The following TMEM45A variants were observed in gnomAD, a reference collection of about 807,000 sequenced individuals.
The protein encoded by TMEM45A is DNA polymerase-transactivated protein 4.
Under a neutral mutation model 32.0 loss-of-function variants are expected in TMEM45A, and 25 were observed. That is an observed-to-expected ratio of 0.78 (90% CI 0.57 to 1.09). The LOEUF (loss-of-function observed/expected upper bound fraction) is 1.09. Among genes scored for constraint, TMEM45A ranks in the 50% least tolerant of loss-of-function variants. The pLI, the probability that TMEM45A is intolerant of heterozygous loss-of-function variation, is 0.00. For synonymous variants in TMEM45A, 122 were observed against 114.8 expected (o/e 1.06, Z -0.40); for missense variants, 302 against 325.0 (o/e 0.93, Z 0.54).
At chr3:100,519,326 A>C in intron 1 of TMEM45A, 1 of 565,866 alleles carries the variant, frequency 1.8e-6, no homozygotes, top group Non-Finnish European at 3.2e-6. Context: ...GGTAAGTTTT[A>C]ATACTGTGTT....
chr3:100,505,963 A>G (rs1399344521), intron 1 of TMEM45A, among the ~76,000 whole-genome samples: 1 of 152,178 alleles, frequency 6.6e-6, no homozygotes, highest in African/African-American at 2.4e-5. Flanking sequence ...GGAACAGAGT[A>G]CCAGGAATGA....
chr3:100,531,250 A>G (rs1159945481), intron 1 of TMEM45A, among the ~76,000 whole-genome samples: 1 of 151,602 alleles, frequency 6.6e-6, no homozygotes, highest in Non-Finnish European at 1.5e-5. Context: ...GGACTGATAA[A>G]CTCCTGGAAA....
intron 1 of TMEM45A, among the ~76,000 whole-genome samples, chr3:100,539,432 G>GATATGTATATGT (rs61585906): frequency 0.026 from 2,180 of 82,822 alleles, 53 homozygotes; most frequent in Middle Eastern, 0.073. Flanking sequence ...AACCCAATAG[G>GATATGTATATGT]ATATGTATAT....
At chr3:100,537,612 A>T (rs1215388937) in intron 1 of TMEM45A, among the ~76,000 whole-genome samples, 1 of 152,220 alleles carries the variant, frequency 6.6e-6, no homozygotes, top group African/African-American at 2.4e-5. Context: ...GGCAGAAGAC[A>T]GAAAGGAGAG....
At chr3:100,576,217 G>A (rs747113362) in intron 5 of TMEM45A, among the ~76,000 whole-genome samples, 4 of 152,130 alleles carry the variant, frequency 2.6e-5, no homozygotes, top group Non-Finnish European at 5.9e-5. Context: ...TTGGGAGGCC[G>A]AGGCAGGTGG....
chr3:100,510,158 T>G lies in TMEM45A; in HGVS notation c.-4+17230T>G, dbSNP rs1275759436. ...TGCCTGCCTCTGTAGGCTCCACCTC[T>G]GGGGGCAGGGCACAGACAAACAAAA... On this transcript the variant is annotated intron_variant, in intron 1 of 5. Transcript: ENST00000323523. Among the ~76,000 whole-genome samples, 14 of 152,362 alleles carry G rather than the reference T, an allele frequency of 9.2e-5. No individual in the cohort carries two copies. In the East Asian group the frequency reaches 2.5e-3, roughly 27 times the overall value.
intron 1 of TMEM45A, among the ~76,000 whole-genome samples, chr3:100,553,656 A>G (rs1031256356): frequency 5.3e-5 from 8 of 152,356 alleles, no homozygotes; most frequent in African/African-American, 1.7e-4. Context: ...TAGGGCAGGA[A>G]AGAACTCCAG....
chr3:100,542,352 C>T (rs1052144906), intron 1 of TMEM45A, among the ~76,000 whole-genome samples: 5 of 151,950 alleles, frequency 3.3e-5, no homozygotes, highest in Non-Finnish European at 5.9e-5. Flanking sequence ...CTAGAAGGAT[C>T]GTAGAAGAAA....
intron 1 of TMEM45A, among the ~76,000 whole-genome samples, chr3:100,553,130 T>C (rs1016980418): frequency 1.3e-5 from 2 of 152,198 alleles, no homozygotes; most frequent in Non-Finnish European, 2.9e-5. Context: ...TTGGAGTAAT[T>C]CATTTTAAAT....
chr3:100,575,650 C>A (rs1469705616), intron 5 of TMEM45A, among the ~76,000 whole-genome samples: 2 of 152,198 alleles, frequency 1.3e-5, no homozygotes, highest in Non-Finnish European at 2.9e-5. Flanking sequence ...GGATTATAGG[C>A]ATGAGCCACC....
rs539357008 is a variant in TMEM45A at position 100,576,227 on chromosome 3, G to A, written c.735-698G>A. On this transcript the variant is annotated intron_variant, in intron 5 of 5. Coordinates refer to ENST00000323523, the MANE Select transcript of TMEM45A (RefSeq NM_018004.3). The stretch of plus-strand genomic sequence containing the variant: ...GCACTTTGGGAGGCCGAGGCAGGTG[G>A]ATCACGAGGTCAGGAGTTCAAGATC... Among the ~76,000 whole-genome samples the A allele has an allele frequency of 8.6e-4, 131 of 152,280 alleles. 2 individuals carry two copies. Among genetic ancestry groups the A allele is most frequent in the African/African-American group, 3.1e-3 (127 of 41,546 alleles).
chr3:100,506,061 G>A (rs1038991276), intron 1 of TMEM45A, among the ~76,000 whole-genome samples: 2 of 152,178 alleles, frequency 1.3e-5, no homozygotes, highest in Non-Finnish European at 2.9e-5. Flanking sequence ...CTGTATGTGG[G>A]GAAACTACTG....
At chr3:100,518,032 G>T (rs1005906024) in intron 1 of TMEM45A, among the ~76,000 whole-genome samples, 8 of 152,196 alleles carry the variant, frequency 5.3e-5, no homozygotes, top group African/African-American at 1.9e-4. Context: ...GATTGGGCGT[G>T]GTTATGGGGT....
At chr3:100,557,840 A>C (rs1706254594) in intron 3 of TMEM45A, among the ~76,000 whole-genome samples, 2 of 152,190 alleles carry the variant, frequency 1.3e-5, no homozygotes, top group Admixed American at 1.3e-4. Flanking sequence ...AGGATGAAGA[A>C]ATGCAGTTAT....
chr3:100,501,829 G>A (rs558772644), intron 1 of TMEM45A, among the ~76,000 whole-genome samples: 1 of 152,142 alleles, frequency 6.6e-6, no homozygotes, highest in Non-Finnish European at 1.5e-5. Flanking sequence ...TTTCTGACAT[G>A]AGTCAACAAC....
At chr3:100,557,019 AT>A in intron 3 of TMEM45A, 47 bp downstream of exon 3, 1 of 1,576,496 alleles carries the variant, frequency 6.3e-7, no homozygotes, top group Non-Finnish European at 8.7e-7. Context: ...ATTAGTGAGC[AT>A]TTATGTAGCC....
chr3:100,524,676 T>C (rs943936276), intron 1 of TMEM45A, among the ~76,000 whole-genome samples: 3 of 152,204 alleles, frequency 2.0e-5, no homozygotes, highest in African/African-American at 7.2e-5. Context: ...TTCCAGGGCA[T>C]GCTTTCCTAT....
intron 1 of TMEM45A, among the ~76,000 whole-genome samples, chr3:100,505,253 A>G (rs951545432): frequency 6.6e-6 from 1 of 152,184 alleles, no homozygotes; most frequent in African/African-American, 2.4e-5. Context: ...TACCATGGCA[A>G]TGAATGAGAA....
intron 1 of TMEM45A, among the ~76,000 whole-genome samples, chr3:100,493,172 A>C (rs1442981862): frequency 1.4e-5 from 2 of 138,908 alleles, no homozygotes; most frequent in African/African-American, 2.8e-5. Flanking sequence ...TCCTGGGAGC[A>C]GCAATGTGAC....
Sources: gnomAD v4.1 joint callset for allele counts (sites outside exome capture counted in the v4.1 genomes callset) on GRCh38, gnomAD v4.1.1 for gene constraint, MANE v1.5 for transcripts, NCBI Gene and HGNC (gene_info 2026-07-23, HGNC 2026-07-21) for gene names.